Variants in SEPTIN6 observed in about 807,000 individuals in gnomAD.
SEPTIN6 encodes the protein septin-6.
SEPTIN6 carries 8 observed loss-of-function variants against 33.6 expected under a neutral mutation model. The ratio of observed to expected loss-of-function variants is 0.24; its 90% confidence interval spans 0.14 to 0.43. The LOEUF is 0.43. SEPTIN6 is among the 20% of genes least tolerant of loss of function. The pLI is 1.00. For missense variants in SEPTIN6, 250 were observed against 340.8 expected (o/e 0.73, Z 2.10); for synonymous variants, 131 against 140.0 (o/e 0.94, Z 0.45).
intron 10 of SEPTIN6, chrX:119,624,189 T>G (rs372205583): frequency 1.7e-4 from 41 of 242,269 alleles, no homozygotes; most frequent in Admixed American, 5.9e-4. Context: ...TTGTTTGTTT[T>G]TTTGAGACGG....
At chrX:119,684,483 T>G (rs1216159223) in intron 1 of SEPTIN6, among the ~76,000 whole-genome samples, 2 of 56,396 alleles carry the variant, frequency 3.5e-5, no homozygotes, top group African/African-American at 1.2e-4. Flanking sequence ...TTCCCAGAGG[T>G]TTTTTTTTTT....
Position 119,652,925 on chromosome X carries a change from A to G in SEPTIN6, c.457T>C (p.Tyr153His). The stretch of plus-strand genomic sequence containing the variant: ...GAATGACCCGTGGGGGCAATGAAAT[A>G]CAAGCAGACATGGATTCGGGAGTCA... ...YHDSRIHVCL[Y>H]FIAPTGHSLK... is the part of the protein sequence containing the mutation. The change falls in exon 4 of 11, where the codon TAT becomes CAT. Residue 153 changes from tyrosine to histidine, a missense_variant. Transcript: ENST00000394610. 2.5e-6 allele frequency: 3 copies of G among 1,210,099 alleles called. No homozygotes were observed. Among genetic ancestry groups the G allele is most frequent in the Non-Finnish European group, 3.4e-6 (3 of 894,596 alleles).
Position 119,653,844 on chromosome X carries a change from C to T in SEPTIN6, c.342-804G>A, listed in dbSNP as rs765633361. Reference sequence around the variant, plus strand: ...CAGCACTTTGGGAGGCTGAGACGGGCGGATCTTCTGAGCTCAGGATTCGAG... The same window carrying T: ...CAGCACTTTGGGAGGCTGAGACGGGTGGATCTTCTGAGCTCAGGATTCGAG... On this transcript the variant is annotated intron_variant, in intron 3 of 10. Coordinates refer to ENST00000394610, the MANE Select transcript of SEPTIN6 (RefSeq NM_145799.4). Among the ~76,000 whole-genome samples, 17 of 111,560 alleles carry T rather than the reference C, an allele frequency of 1.5e-4. No homozygotes were observed. In the East Asian group the frequency reaches 3.6e-3, roughly 24 times the overall value.
chrX:119,648,181 G>C (rs2054298685), intron 5 of SEPTIN6, among the ~76,000 whole-genome samples: 1 of 110,065 alleles, frequency 9.1e-6, no homozygotes, highest in Non-Finnish European at 1.9e-5. Context: ...GCTGAGAACA[G>C]AGCCCAGGAT....
chrX:119,618,208 C>CA lies in SEPTIN6; in HGVS notation c.*1884dup. ...TTGGTCGTTGGTTTGTTTCTACCTC[C>CA]AAGCATATGGTCTTCAAAAAAATAC... On this transcript the variant is annotated 3_prime_UTR_variant, in exon 11 of 11. Coordinates refer to ENST00000394610, the MANE Select transcript of SEPTIN6 (RefSeq NM_145799.4). 2.5e-6 allele frequency: 2 copies of CA among 791,549 alleles called. No individual in the cohort carries two copies. Among genetic ancestry groups the CA allele is most frequent in the South Asian group, 6.8e-5 (1 of 14,770 alleles). 65.2% of individuals were successfully genotyped at this position (791,549 alleles called of 1,213,427 possible). A position where few individuals can be genotyped will look rare whatever the true frequency, so the allele number is the denominator to read the frequency against.
At chrX:119,638,411 G>C (rs2054102692) in intron 6 of SEPTIN6, among the ~76,000 whole-genome samples, 1 of 111,742 alleles carries the variant, frequency 8.9e-6, no homozygotes, top group African/African-American at 3.3e-5. Context: ...ACTTTGTCAA[G>C]GTGGCTACAG....
At chrX:119,616,244 A>G (rs2053664052), downstream of SEPTIN6, 5 of 288,320 alleles carry the variant, frequency 1.7e-5, no homozygotes, top group Non-Finnish European at 3.2e-5. Context: ...AGAAGATACA[A>G]ATGTCACTTG....
intron 1 of SEPTIN6, among the ~76,000 whole-genome samples, chrX:119,678,753 C>A (rs2054892038): frequency 9.0e-6 from 1 of 110,522 alleles, no homozygotes; most frequent in Non-Finnish European, 1.9e-5. Flanking sequence ...ATGTAGCAGG[C>A]ATCGGAAATT....
intron 2 of SEPTIN6, among the ~76,000 whole-genome samples, chrX:119,672,435 T>G (rs1231771542): frequency 8.9e-6 from 1 of 111,936 alleles, no homozygotes; most frequent in Non-Finnish European, 1.9e-5. Flanking sequence ...GGGGAGCCTG[T>G]GCTCCACATA....
At chrX:119,689,481 G>A (rs189504012) in intron 1 of SEPTIN6, among the ~76,000 whole-genome samples, 25 of 111,764 alleles carry the variant, frequency 2.2e-4, no homozygotes, top group African/African-American at 7.5e-4. Context: ...TAAAAGCCAC[G>A]AACTTTTTTT....
intron 1 of SEPTIN6, among the ~76,000 whole-genome samples, chrX:119,687,365 T>C (rs950170584): frequency 1.8e-4 from 20 of 109,214 alleles, no homozygotes; most frequent in Non-Finnish European, 3.1e-4. Context: ...ATTCTCCTGT[T>C]TCAGCCTCCA....
chrX:119,680,365 C>T lies in SEPTIN6; in HGVS notation c.31-4697G>A, dbSNP rs947991190. On this transcript the variant is annotated intron_variant, in intron 1 of 10. Transcript: ENST00000394610. The stretch of plus-strand genomic sequence containing the variant: ...CTGGGACTACAGGTGTGCACCACCA[C>T]GCCCAGGTAATTTTTGTATTTTTAG... 2.3e-4 allele frequency among the ~76,000 whole-genome samples: 25 copies of T among 108,782 alleles called. No homozygotes were observed. In the East Asian group the frequency reaches 2.9e-3, roughly 13 times the overall value. 94.5% of individuals were successfully genotyped at this position (108,782 alleles called of 115,157 possible).
Position 119,621,840 on chromosome X carries a change from T to C in SEPTIN6, c.*42-1789A>G, listed in dbSNP as rs78032916. On this transcript the variant is annotated intron_variant, in intron 10 of 10. Transcript: ENST00000394610. Reference sequence around the variant, plus strand: ...AAAATAGAGAGATAGGGTTTCACCATGCTGCCCAGGCTGGTCTCCAACTCC... The same window carrying C: ...AAAATAGAGAGATAGGGTTTCACCACGCTGCCCAGGCTGGTCTCCAACTCC... 5.0e-3 allele frequency among the ~76,000 whole-genome samples: 527 copies of C among 106,422 alleles called. 3 individuals carry two copies. The highest frequency in any genetic ancestry group is 0.017 in the African/African-American group (499 of 29,162). The allele number at this position is 106,422 out of a possible 115,157, so 92.4% of individuals were successfully genotyped here.
intron 3 of SEPTIN6, among the ~76,000 whole-genome samples, chrX:119,657,771 A>G (rs2147559500): frequency 9.0e-6 from 1 of 111,482 alleles, no homozygotes; most frequent in Admixed American, 9.6e-5. Flanking sequence ...CCTTGGCCCC[A>G]CAAAGTGTTG....
At chrX:119,642,055 G>A (rs1429973678) in intron 5 of SEPTIN6, among the ~76,000 whole-genome samples, 3 of 110,204 alleles carry the variant, frequency 2.7e-5, no homozygotes, top group Non-Finnish European at 5.7e-5. Context: ...GTGTGCCAAG[G>A]GAGAAAGCCA....
chrX:119,629,036 C>T (rs775441125), intron 9 of SEPTIN6: 102 of 285,605 alleles, frequency 3.6e-4, no homozygotes, highest in African/African-American at 2.3e-3. Flanking sequence ...TTTTCCCTTC[C>T]TTTCCTATGG....
chrX:119,623,699 A>T (rs2053806201), intron 10 of SEPTIN6, among the ~76,000 whole-genome samples: 1 of 111,441 alleles, frequency 9.0e-6, no homozygotes, highest in Non-Finnish European at 1.9e-5. Context: ...ATTAGCCAGG[A>T]ATGGTGGCAC....
At chrX:119,665,898 G>A (rs780977791) in intron 2 of SEPTIN6, among the ~76,000 whole-genome samples, 16 of 109,985 alleles carry the variant, frequency 1.5e-4, no homozygotes, top group South Asian at 4.0e-4. Context: ...TGGCTAACAC[G>A]GTGAAACCCC....
At chrX:119,670,560 C>CAA (rs764828469) in intron 2 of SEPTIN6, among the ~76,000 whole-genome samples, 5 of 39,550 alleles carry the variant, frequency 1.3e-4, no homozygotes, top group African/African-American at 4.1e-4. Flanking sequence ...GACTCTGTCT[C>CAA]AAAAAAAAAA....
Sources: allele counts gnomAD v4.1 joint callset (sites outside exome capture counted in the v4.1 genomes callset), GRCh38; gene constraint gnomAD v4.1.1; transcripts MANE v1.5; gene names NCBI Gene and HGNC (gene_info 2026-07-23, HGNC 2026-07-21).